SNX29: variants seen among roughly 807,000 people sequenced by gnomAD.
SNX29 encodes the protein sorting nexin-29.
SNX29 carries 78 observed loss-of-function variants against 102.1 expected under a neutral mutation model. That is an observed-to-expected ratio of 0.76 (90% CI 0.64 to 0.92). SNX29 has a LOEUF of 0.92. SNX29 is among the 40% of genes least tolerant of loss of function. The pLI is 0.00. For synonymous variants in SNX29, 580 were observed against 414.5 expected, an observed-to-expected ratio of 1.40 and a Z score of -4.85; for missense variants, 1,280 against 1,061.7, an observed-to-expected ratio of 1.21 and a Z score of -2.86.
intron 18 of SNX29, among the ~76,000 whole-genome samples, chr16:12,445,389 C>G (rs2086004384): frequency 6.6e-6 from 1 of 152,144 alleles, no homozygotes; most frequent in Non-Finnish European, 1.5e-5. Flanking sequence ...GTCCTCCATT[C>G]TACGCTGTTC....
intron 18 of SNX29, among the ~76,000 whole-genome samples, chr16:12,463,703 T>C (rs1336708859): frequency 6.6e-6 from 1 of 152,154 alleles, no homozygotes; most frequent in African/African-American, 2.4e-5. Context: ...TTTTTAAATA[T>C]TGACAAATAA....
intron 20 of SNX29, among the ~76,000 whole-genome samples, chr16:12,539,356 C>T (rs1399169120): frequency 2.0e-5 from 3 of 151,874 alleles, no homozygotes; most frequent in Admixed American, 2.0e-4. Context: ...TGGAATCATA[C>T]TGTAAGCAAC....
At chr16:12,403,044 T>G (rs547635330) in intron 17 of SNX29, among the ~76,000 whole-genome samples, 1 of 152,284 alleles carries the variant, frequency 6.6e-6, no homozygotes, top group South Asian at 2.1e-4. Flanking sequence ...ACGCTGGGCA[T>G]TGCTGTGTGT....
chr16:12,051,912 G>C lies in SNX29; in HGVS notation c.814G>C (p.Glu272Gln). The change falls in exon 8 of 21, where the codon GAG becomes CAG. Residue 272 changes from glutamate (E) to glutamine (Q), a missense_variant. Physicochemically the swap from Glu to Gln is conservative, Grantham distance 29. Coordinates refer to ENST00000566228, the MANE Select transcript of SNX29 (RefSeq NM_032167.5). The stretch of plus-strand genomic sequence containing the variant: ...GACCAACATAATCTCATTTGATGAT[G>C]AGGAAGATGAGCAGAACTCTGGGGA... ...KVTNIISFDD[E>Q]EDEQNSGDVF... is the part of the protein sequence containing the mutation. 1 of 1,613,520 alleles carries C rather than the reference G, an allele frequency of 6.2e-7. No homozygotes were observed. Among genetic ancestry groups the C allele is most frequent in the Non-Finnish European group, 8.5e-7 (1 of 1,179,828 alleles).
At chr16:12,091,004 G>A (rs1349176172) in intron 11 of SNX29, among the ~76,000 whole-genome samples, 14 of 91,122 alleles carry the variant, frequency 1.5e-4, no homozygotes, top group Non-Finnish European at 2.6e-4. Context: ...GACAGAGTGA[G>A]ACTTCATCTC....
chr16:12,247,991 C>A (rs1321258632), intron 14 of SNX29, among the ~76,000 whole-genome samples: 1 of 152,130 alleles, frequency 6.6e-6, no homozygotes, highest in African/African-American at 2.4e-5. Context: ...TCCACTGCAG[C>A]CCTCCCACCT....
intron 11 of SNX29, among the ~76,000 whole-genome samples, chr16:12,109,127 C>CA (rs71139575): frequency 0.055 from 1,806 of 33,074 alleles, 151 homozygotes; most frequent in Non-Finnish European, 0.064. Context: ...GGCGCTGTCT[C>CA]AAAAAAAAAA....
chr16:12,408,009 T>C (rs2084236260), intron 18 of SNX29, among the ~76,000 whole-genome samples: 1 of 151,908 alleles, frequency 6.6e-6, no homozygotes, highest in African/African-American at 2.4e-5. Flanking sequence ...AATGTAAAAA[T>C]TAACTGGGCA....
intron 13 of SNX29, among the ~76,000 whole-genome samples, chr16:12,184,355 G>A (rs987168417): frequency 2.6e-5 from 4 of 152,174 alleles, no homozygotes; most frequent in African/African-American, 7.2e-5. Context: ...GCTGAGTTGC[G>A]TGCCATGCAC....
At chr16:12,114,939 A>G (rs1001637715) in intron 11 of SNX29, among the ~76,000 whole-genome samples, 3 of 152,110 alleles carry the variant, frequency 2.0e-5, no homozygotes, top group African/African-American at 7.2e-5. Flanking sequence ...GAGATAATTG[A>G]CACATAGTTT....
chr16:12,144,237 C>G (rs1194341635), intron 13 of SNX29, among the ~76,000 whole-genome samples: 5 of 152,132 alleles, frequency 3.3e-5, no homozygotes, highest in African/African-American at 9.7e-5. Flanking sequence ...AAGTTGGGAG[C>G]TAATTTTTTG....
At chr16:12,465,225 A>C (rs2086997069) in intron 18 of SNX29, among the ~76,000 whole-genome samples, 1 of 152,144 alleles carries the variant, frequency 6.6e-6, no homozygotes, top group Non-Finnish European at 1.5e-5. Context: ...AGTTTGATGT[A>C]GTCCAACTTA....
chr16:12,494,153 G>A (rs1597600379), intron 19 of SNX29, among the ~76,000 whole-genome samples: 1 of 152,144 alleles, frequency 6.6e-6, no homozygotes, highest in Non-Finnish European at 1.5e-5. Flanking sequence ...TTCAAGACCA[G>A]CCTGGGCAAG....
At chr16:12,289,776 T>C (rs2079730284) in intron 15 of SNX29, among the ~76,000 whole-genome samples, 1 of 152,152 alleles carries the variant, frequency 6.6e-6, no homozygotes, top group African/African-American at 2.4e-5. Context: ...ATATTTGCCT[T>C]CCTCTTTGAG....
chr16:12,386,287 G>C (rs577528823), intron 16 of SNX29, among the ~76,000 whole-genome samples: 1 of 152,186 alleles, frequency 6.6e-6, no homozygotes, highest in African/African-American at 2.4e-5. Flanking sequence ...CACACTTGCC[G>C]AGAGCCCTGG....
At chr16:12,453,638 C>T (rs964670003) in intron 18 of SNX29, among the ~76,000 whole-genome samples, 2 of 152,100 alleles carry the variant, frequency 1.3e-5, no homozygotes, top group African/African-American at 4.8e-5. Context: ...GCCTCAGCCT[C>T]CCAAATTGCT....
Position 12,042,891 on chromosome 16 carries a change from C to G in SNX29, c.248-6C>G. ...AGTGCCAGGCGCCTGTGCCCTCTCT[C>G]CGTAGAGCCCGTGTTCTGGTACTAC... On this transcript the variant is annotated splice_region_variant and splice_polypyrimidine_tract_variant and intron_variant, in intron 4 of 20. Transcript: ENST00000566228. The G allele has an allele frequency of 6.2e-7, 1 of 1,600,998 alleles. No homozygotes were observed. Among genetic ancestry groups the G allele is most frequent in the Non-Finnish European group, 8.5e-7 (1 of 1,170,992 alleles).
chr16:12,221,204 T>C (rs927412688), intron 14 of SNX29, among the ~76,000 whole-genome samples: 1 of 151,900 alleles, frequency 6.6e-6, no homozygotes, highest in Non-Finnish European at 1.5e-5. Context: ...TTGGCACTGA[T>C]ACGCAGCAGG....
intron 20 of SNX29, among the ~76,000 whole-genome samples, chr16:12,552,258 C>T (rs1361701164): frequency 4.6e-5 from 7 of 152,114 alleles, no homozygotes; most frequent in African/African-American, 9.7e-5. Context: ...CTCCTAGGGG[C>T]TCGTAAGCCC....
Sources: allele counts gnomAD v4.1 joint callset (sites outside exome capture counted in the v4.1 genomes callset), GRCh38; gene constraint gnomAD v4.1.1; transcripts MANE v1.5; gene names NCBI Gene and HGNC (gene_info 2026-07-23, HGNC 2026-07-21).